DNAH10: variants seen among roughly 807,000 people sequenced by gnomAD.
The protein encoded by DNAH10 is dynein axonemal heavy chain 10.
Under a neutral mutation model 506.6 loss-of-function variants are expected in DNAH10, and 348 were observed. That is an observed-to-expected ratio of 0.69 (90% CI 0.63 to 0.75). The LOEUF is 0.75. DNAH10 is among the 30% of genes least tolerant of loss of function. DNAH10 has a pLI of 0.00. For synonymous variants in DNAH10, 2,059 were observed against 2,198.6 expected, an observed-to-expected ratio of 0.94 and a Z score of 1.78; for missense variants, 5,179 against 5,787.1, an observed-to-expected ratio of 0.89 and a Z score of 3.41.
At position 123,813,325 on chromosome 12, in the gene DNAH10, C is replaced by A. The variant is rs1488396888; in HGVS notation, c.3306C>A (p.Ile1102=). 3.1e-6 allele frequency: 5 copies of A among 1,614,066 alleles called. No individual in the cohort carries two copies. Among genetic ancestry groups the A allele is most frequent in the Non-Finnish European group, 4.2e-6 (5 of 1,180,058 alleles). ...MIPQNVHRIL[I]NLMKYLQKWK... Reference sequence around the variant, plus strand: ...CCCAAAATGTCCACAGGATTCTGATCAATCTTATGAAGTATCTACAAAAAT... The same window carrying A: ...CCCAAAATGTCCACAGGATTCTGATAAATCTTATGAAGTATCTACAAAAAT... Residue 1102 remains isoleucine (I), a synonymous_variant, in exon 20 of 79, where the codon ATC becomes ATA. Transcript: ENST00000673944.
In DNAH10 at chr12:123,877,187, T is replaced by A. The variant is rs552665165; in HGVS notation, c.8200-549T>A. 1.4e-4 allele frequency among the ~76,000 whole-genome samples: 22 copies of A among 152,258 alleles called. No individual in the cohort carries two copies. In the South Asian group the frequency reaches 4.6e-3, roughly 32 times the overall value. The stretch of plus-strand genomic sequence containing the variant: ...TCTGTCTCCATGGAGTTTTCCATGT[T>A]GGGTATTTCATATAAATAGAGTCAT... On this transcript the variant is annotated intron_variant, in intron 47 of 78. Coordinates refer to ENST00000673944, the MANE Select transcript of DNAH10 (RefSeq NM_001372106.1).
intron 5 of DNAH10, among the ~76,000 whole-genome samples, 188 bp downstream of exon 5, chr12:123,774,452 A>G (rs1957366670): frequency 1.3e-5 from 2 of 152,226 alleles, no homozygotes; most frequent in Admixed American, 1.3e-4. Context: ...ACACACACAC[A>G]GAAATATAAA....
At position 123,916,115 on chromosome 12, in the gene DNAH10, C is replaced by G. The variant is rs1213832906; in HGVS notation, c.10723-342C>G. The stretch of plus-strand genomic sequence containing the variant: ...TGAGGGCAGGAACTTTTCTAGACTC[C>G]CTCTTCCCTCAGCCTGCCAGGGAGC... On this transcript the variant is annotated intron_variant, in intron 62 of 78. Transcript: ENST00000673944. This position sits in a 1 kb window ranked among gnomAD's most constrained non-coding sequence, Gnocchi z 4.6. Among the ~76,000 whole-genome samples the G allele has an allele frequency of 6.6e-6, 1 of 152,106 alleles. No individual in the cohort carries two copies. Among genetic ancestry groups the G allele is most frequent in the Admixed American group, 6.5e-5 (1 of 15,270 alleles).
chr12:123,794,157 G>A (rs1958189785), intron 12 of DNAH10, 45 bp downstream of exon 12: 1 of 1,076,118 alleles, frequency 9.3e-7, no homozygotes, highest in African/African-American at 1.7e-5. Flanking sequence ...AAATACACTT[G>A]GCAAAATGTG....
Position 123,835,334 on chromosome 12 carries a change from A to G in DNAH10, c.4780-72A>G, listed in dbSNP as rs377243890. 1.3e-5 allele frequency: 20 copies of G among 1,552,392 alleles called. No individual in the cohort carries two copies. In the African/African-American group the frequency reaches 2.7e-4, roughly 21 times the overall value. On this transcript the variant is annotated intron_variant, in intron 27 of 78. Coordinates refer to ENST00000673944, the MANE Select transcript of DNAH10 (RefSeq NM_001372106.1). ...TGATTTGGTTCTGTCTCATGTCAGG[A>G]TGGGGCTTTGCCATCCACTTTTGGA...
chr12:123,826,091 T>C (rs1959957006), intron 24 of DNAH10, among the ~76,000 whole-genome samples: 1 of 151,908 alleles, frequency 6.6e-6, no homozygotes, highest in African/African-American at 2.4e-5. Context: ...ACCATTGCAC[T>C]ACAGCCTGGG....
chr12:123,829,850 G>A (rs1960356151), intron 25 of DNAH10, among the ~76,000 whole-genome samples: 1 of 152,098 alleles, frequency 6.6e-6, no homozygotes. Context: ...TAAAACATGG[G>A]CAAATTCACA....
At position 123,781,114 on chromosome 12, in the gene DNAH10, G is replaced by A. The variant is rs1957631333; in HGVS notation, c.656G>A (p.Arg219Lys). 1 of 1,613,870 alleles carries A rather than the reference G, an allele frequency of 6.2e-7. No individual in the cohort carries two copies. Among genetic ancestry groups the A allele is most frequent in the Non-Finnish European group, 8.5e-7 (1 of 1,179,890 alleles). ...FLPALSFNQHRTSTTVGVTSG... is the reference protein window; with the variant it reads ...FLPALSFNQHKTSTTVGVTSG... ...CCAGCATTGTCCTTCAATCAGCACA[G>A]GACGAGTACAACCGTGGGAGTCACA... Residue 219 changes from arginine (R) to lysine (K), a missense_variant, in exon 6 of 79, where the codon AGG becomes AAG. Around this residue, in one of 3 missense-constraint regions of DNAH10, gnomAD observed 326 missense variants for 330.8 expected, o/e 0.99. Coordinates refer to ENST00000673944, the MANE Select transcript of DNAH10 (RefSeq NM_001372106.1).
intron 53 of DNAH10, among the ~76,000 whole-genome samples, chr12:123,893,853 G>A (rs1953100583): frequency 6.6e-6 from 1 of 152,150 alleles, no homozygotes; most frequent in African/African-American, 2.4e-5. Context: ...AGCATGCAGT[G>A]TAGTACTGGC....
chr12:123,890,480 C>T (rs1952933402), intron 52 of DNAH10, among the ~76,000 whole-genome samples: 1 of 150,814 alleles, frequency 6.6e-6, no homozygotes, highest in African/African-American at 2.4e-5. Context: ...GAGGTGGAGT[C>T]TTCCTGCATT....
At chr12:123,882,849 C>T (rs1225478585) in intron 51 of DNAH10, among the ~76,000 whole-genome samples, 1 of 150,050 alleles carries the variant, frequency 6.7e-6, no homozygotes, top group Non-Finnish European at 1.5e-5. Flanking sequence ...AAAAAGAAAT[C>T]CCATGCCCTT....
intron 44 of DNAH10, 79 bp from the exon 45 acceptor site, chr12:123,871,378 C>G (rs912265814): frequency 2.0e-6 from 3 of 1,503,950 alleles, no homozygotes; most frequent in Non-Finnish European, 2.7e-6. Context: ...TTGTGGGGTT[C>G]TAGGACAACT....
chr12:123,845,915 TG>T (rs767715589), intron 31 of DNAH10, 46 bp downstream of exon 31: 45 of 1,612,518 alleles, frequency 2.8e-5, no homozygotes, highest in Admixed American at 1.5e-4. Context: ...GGACCCTTTG[TG>T]GTCCGCTGAT....
At position 123,783,256 on chromosome 12, in the gene DNAH10, A is replaced by G. The variant is rs759680776; in HGVS notation, c.991A>G (p.Thr331Ala). The G allele has an allele frequency of 3.7e-6, 6 of 1,613,916 alleles. No homozygotes were observed. The highest frequency in any genetic ancestry group is 1.1e-5 in the South Asian group (1 of 91,062). ...STAVEAQLKKTPQGKGPLAEI... is the reference protein window; with the variant it reads ...STAVEAQLKKAPQGKGPLAEI... ...AGCGGTTGAGGCCCAACTGAAGAAG[A>G]CACCTCAGGTAGTTTGTGCAGGGCT... The change falls in exon 7 of 79, where the codon ACA becomes GCA. Residue 331 changes from threonine to alanine, a missense_variant. Physicochemically the swap from Thr to Ala is moderately conservative, Grantham distance 58. Around this residue, in one of 3 missense-constraint regions of DNAH10, gnomAD observed 4,844 missense variants for 5,430.5 expected, o/e 0.89. Transcript: ENST00000673944.
intron 73 of DNAH10, among the ~76,000 whole-genome samples, chr12:123,931,038 CAAAACAAA>C (rs1379441083): frequency 6.6e-6 from 1 of 151,766 alleles, no homozygotes; most frequent in Non-Finnish European, 1.5e-5. Context: ...AACAAAAAAT[CAAAACAAA>C]AAAACAAAAA....
chr12:123,912,402 G>C (rs867358674), intron 59 of DNAH10, among the ~76,000 whole-genome samples: 1 of 52,994 alleles, frequency 1.9e-5, no homozygotes, highest in East Asian at 5.5e-4. Context: ...CTGTCCTGGG[G>C]GGGGTCTGTC....
Position 123,846,069 on chromosome 12 carries a change from T to C in DNAH10, c.5729T>C (p.Phe1910Ser), listed in dbSNP as rs1205815992. Residue 1910 changes from phenylalanine (F) to serine (S), a missense_variant, in exon 32 of 79, where the codon TTT becomes TCT. Coordinates refer to ENST00000673944, the MANE Select transcript of DNAH10 (RefSeq NM_001372106.1). The surrounding 1 kb of genome is among the most constrained non-coding windows in gnomAD (Gnocchi z 4.5). ...AACATCCGCCAGTGCACGGGAACCT[T>C]TGGCTACGGCTACGAGTACATGGGC... is the stretch of plus-strand genomic sequence containing the variant. ...ELNIRQCTGTFGYGYEYMGLN... is the reference protein window; with the variant it reads ...ELNIRQCTGTSGYGYEYMGLN... 6.2e-7 allele frequency: 1 copy of C among 1,614,002 alleles called. No homozygotes were observed. The highest frequency in any genetic ancestry group is 1.1e-5 in the South Asian group (1 of 91,086).
At chr12:123,921,819 T>C (rs556746136) in intron 65 of DNAH10, among the ~76,000 whole-genome samples, 11 of 147,816 alleles carry the variant, frequency 7.4e-5, no homozygotes, top group African/African-American at 2.7e-4. Context: ...GTTCAAGTGA[T>C]TCTCCTGCCT....
At chr12:123,932,307 T>C (rs1291930411) in intron 76 of DNAH10, among the ~76,000 whole-genome samples, 199 bp downstream of exon 76, 2 of 152,240 alleles carry the variant, frequency 1.3e-5, no homozygotes, top group African/African-American at 4.8e-5. Context: ...CTTTGAAGCA[T>C]ACTCTTACAT....
Sources: allele counts gnomAD v4.1 joint callset (sites outside exome capture counted in the v4.1 genomes callset), GRCh38; gene constraint gnomAD v4.1.1; regional missense constraint gnomAD v4.1.1; non-coding constraint Gnocchi (gnomAD v3.1); transcripts MANE v1.5; gene names NCBI Gene and HGNC (gene_info 2026-07-23, HGNC 2026-07-21).